Variants in IFT80 observed in about 807,000 individuals in gnomAD.
The protein encoded by IFT80 is intraflagellar transport 80.
Under a neutral mutation model 107.9 loss-of-function variants are expected in IFT80, and 79 were observed. The observed-to-expected ratio is 0.73, with a 90% CI of 0.61 to 0.88. The LOEUF is 0.88. Ranked by LOEUF, IFT80 falls within the 40% of genes least tolerant of loss-of-function variation. The pLI, the probability that IFT80 is intolerant of heterozygous loss-of-function variation, is 0.00. For synonymous variants in IFT80, 299 were observed against 300.9 expected, an observed-to-expected ratio of 0.99 and a Z score of 0.07; for missense variants, 797 against 914.2, an observed-to-expected ratio of 0.87 and a Z score of 1.65.
chr3:160,353,170 C>A (rs2108355779), intron 8 of IFT80, among the ~76,000 whole-genome samples: 1 of 152,260 alleles, frequency 6.6e-6, no homozygotes, highest in East Asian at 1.9e-4. Context: ...TTCCTTTCAC[C>A]TCAAAGCAGT....
intron 8 of IFT80, among the ~76,000 whole-genome samples, chr3:160,345,645 G>A (rs907941156): frequency 7.2e-6 from 1 of 138,152 alleles, no homozygotes; most frequent in Non-Finnish European, 1.5e-5. Flanking sequence ...AGTGGGCTGA[G>A]ATTGCTCCAT....
At chr3:160,273,555 G>C (rs190043283) in intron 18 of IFT80, among the ~76,000 whole-genome samples, 1 of 152,174 alleles carries the variant, frequency 6.6e-6, no homozygotes, top group Non-Finnish European at 1.5e-5. Flanking sequence ...TAACTTCTAC[G>C]TTTCCAGCTT....
chr3:160,265,630 T>G (rs1713257777), intron 19 of IFT80, among the ~76,000 whole-genome samples: 2 of 152,324 alleles, frequency 1.3e-5, no homozygotes, highest in Admixed American at 1.3e-4. Flanking sequence ...ACAGTACTCC[T>G]TGTAAAAATC....
intron 1 of IFT80, among the ~76,000 whole-genome samples, chr3:160,388,511 T>A (rs1389123872): frequency 6.6e-6 from 1 of 150,566 alleles, no homozygotes; most frequent in Non-Finnish European, 1.5e-5. Flanking sequence ...GGCAAAATAA[T>A]GGTCTCAGAA....
chr3:160,351,814 T>C (rs1720728381), intron 8 of IFT80, among the ~76,000 whole-genome samples: 1 of 151,574 alleles, frequency 6.6e-6, no homozygotes, highest in Non-Finnish European at 1.5e-5. Flanking sequence ...TCCAAATCCT[T>C]TTGTGAAAAT....
chr3:160,303,520 G>A lies in IFT80; in HGVS notation c.1151+395C>T, dbSNP rs538218803. On this transcript the variant is annotated intron_variant, in intron 11 of 19. Coordinates refer to ENST00000326448, the MANE Select transcript of IFT80 (RefSeq NM_020800.3). ...GAATAGAAAATAGGAGGACTATGAGGTAAAAACTCTTTAATAGTTATTTAC... is the reference window on the plus strand; with the variant it reads ...GAATAGAAAATAGGAGGACTATGAGATAAAAACTCTTTAATAGTTATTTAC... Among the ~76,000 whole-genome samples, 25 of 152,194 alleles carry A rather than the reference G, an allele frequency of 1.6e-4. No homozygotes were observed. The South Asian group carries it at 5.0e-3, about 30-fold the overall frequency.
At chr3:160,352,706 A>G (rs1720800816) in intron 8 of IFT80, among the ~76,000 whole-genome samples, 2 of 152,214 alleles carry the variant, frequency 1.3e-5, no homozygotes, top group African/African-American at 4.8e-5. Flanking sequence ...TTGGTTTACT[A>G]TCGTAATGAT....
chr3:160,299,263 C>A, intron 12 of IFT80: 1 of 1,168,148 alleles, frequency 8.6e-7, no homozygotes, highest in South Asian at 1.7e-5. Context: ...AAAGTCTTCT[C>A]TCAGAGAAGG....
At chr3:160,271,447 T>C (rs1713798864) in intron 18 of IFT80, among the ~76,000 whole-genome samples, 2 of 152,206 alleles carry the variant, frequency 1.3e-5, no homozygotes, top group Non-Finnish European at 2.9e-5. Flanking sequence ...TTTATTAATA[T>C]GCACATAAAG....
intron 19 of IFT80, among the ~76,000 whole-genome samples, chr3:160,260,427 C>T (rs1195476308): frequency 6.6e-6 from 1 of 152,198 alleles, no homozygotes; most frequent in Non-Finnish European, 1.5e-5. Flanking sequence ...AATTGACTTA[C>T]ATACATTTCT....
chr3:160,307,525 G>C, intron 10 of IFT80, 138 bp downstream of exon 10: 1 of 716,584 alleles, frequency 1.4e-6, no homozygotes, highest in Non-Finnish European at 2.5e-6. Context: ...TCACTTCCGG[G>C]TTTGAGGTAG....
intron 9 of IFT80, among the ~76,000 whole-genome samples, chr3:160,309,158 T>C (rs1037511337): frequency 4.6e-5 from 7 of 152,182 alleles, no homozygotes; most frequent in African/African-American, 1.7e-4. Flanking sequence ...CACCAAAATA[T>C]TGACCCAGCA....
intron 16 of IFT80, 124 bp downstream of exon 16, chr3:160,279,069 T>TA (rs200445193): frequency 8.3e-6 from 6 of 727,120 alleles, no homozygotes; most frequent in African/African-American, 1.8e-5. Flanking sequence ...TCTTTACTTA[T>TA]AAAAAAAGAC....
In IFT80 at chr3:160,282,607, T is replaced by C; in HGVS notation, c.1387A>G (p.Ile463Val). 1 of 1,578,650 alleles carries C rather than the reference T, an allele frequency of 6.3e-7. No homozygotes were observed. The highest frequency in any genetic ancestry group is 1.1e-5 in the South Asian group (1 of 87,930). ...TTTTGATCCAGAGCAATTTCCAAGATTTCATTCTAAAATTTTTTTTAAATG... is the reference window on the plus strand; with the variant it reads ...TTTTGATCCAGAGCAATTTCCAAGACTTCATTCTAAAATTTTTTTTAAATG... ...DGKFLSHKNE[I>V]LEIALDQKGL... is the part of the protein sequence containing the mutation. Residue 463 changes from isoleucine to valine, a missense_variant, in exon 14 of 20, where the codon ATC (isoleucine) becomes GTC (valine). Ile to Val is a conservative substitution (Grantham distance 29). Transcript: ENST00000326448.
chr3:160,280,165 G>T (rs1054497403), intron 15 of IFT80, among the ~76,000 whole-genome samples: 2 of 152,078 alleles, frequency 1.3e-5, no homozygotes, highest in Non-Finnish European at 2.9e-5. Flanking sequence ...ATTTCTTAGA[G>T]AATTTAGGAA....
rs1442148293 is a variant in IFT80, at chr3:160,310,030, T to G, written c.958-2249A>C. Among the ~76,000 whole-genome samples, 3 of 151,558 alleles carry G rather than the reference T, an allele frequency of 2.0e-5. No homozygotes were observed. The South Asian group carries it at 6.2e-4, about 32-fold the overall frequency. ...AAAAGCATTTCTTCCCAGTGTAGACTCAAGTAAAAACGAAAAAAAAATTTT... is the reference window on the plus strand; with the variant it reads ...AAAAGCATTTCTTCCCAGTGTAGACGCAAGTAAAAACGAAAAAAAAATTTT... On this transcript the variant is annotated intron_variant, in intron 9 of 19. Transcript: ENST00000326448.
At chr3:160,376,268 T>C (rs1415122494) in intron 4 of IFT80, among the ~76,000 whole-genome samples, 1 of 152,196 alleles carries the variant, frequency 6.6e-6, no homozygotes, top group Non-Finnish European at 1.5e-5. Flanking sequence ...CAAATTCCAG[T>C]GAGTTGGGGA....
intron 14 of IFT80, among the ~76,000 whole-genome samples, chr3:160,281,077 T>A (rs1287197658): frequency 6.6e-6 from 1 of 152,202 alleles, no homozygotes; most frequent in Admixed American, 6.5e-5. Context: ...AGCTAAAGAC[T>A]TGCTAATAAG....
chr3:160,310,670 A>C (rs1289194492), intron 9 of IFT80, among the ~76,000 whole-genome samples: 2 of 152,214 alleles, frequency 1.3e-5, no homozygotes, highest in Non-Finnish European at 2.9e-5. Context: ...TATATGATAG[A>C]TGAATCAGGT....
Sources: gnomAD v4.1 joint callset for allele counts (sites outside exome capture counted in the v4.1 genomes callset) on GRCh38, gnomAD v4.1.1 for gene constraint, MANE v1.5 for transcripts, NCBI Gene and HGNC (gene_info 2026-07-23, HGNC 2026-07-21) for gene names.